The following PACRG variants were observed in gnomAD, a reference collection of about 807,000 sequenced individuals.
The protein encoded by PACRG is parkin coregulated gene protein.
PACRG carries 29 observed loss-of-function variants against 29.7 expected under a neutral mutation model. That is an observed-to-expected ratio of 0.98 (90% confidence interval 0.73 to 1.33). The LOEUF is 1.33. PACRG is among the 40% of genes most tolerant of loss of function. The pLI is 0.00. For synonymous variants in PACRG, 116 were observed against 118.7 expected (o/e 0.98, Z 0.15); for missense variants, 279 against 316.2 (o/e 0.88, Z 0.89).
intron 4 of PACRG, among the ~76,000 whole-genome samples, chr6:163,110,713 A>G (rs1284464753): frequency 1.3e-5 from 2 of 152,230 alleles, no homozygotes; most frequent in Non-Finnish European, 2.9e-5. Context: ...CTGGGCTGTC[A>G]CCGTGGCAGC....
chr6:163,194,536 C>T (rs1056322896), intron 4 of PACRG, among the ~76,000 whole-genome samples: 1 of 152,158 alleles, frequency 6.6e-6, no homozygotes, highest in Non-Finnish European at 1.5e-5. Context: ...CACCTGCCAT[C>T]AAGCACAGAA....
chr6:162,766,574 A>G (rs1782809410), intron 1 of PACRG, among the ~76,000 whole-genome samples: 1 of 152,206 alleles, frequency 6.6e-6, no homozygotes, highest in South Asian at 2.1e-4. Context: ...TATACCCAGA[A>G]GTGGGATTGC....
chr6:162,754,638 T>C (rs952187145), intron 1 of PACRG, among the ~76,000 whole-genome samples: 1 of 152,080 alleles, frequency 6.6e-6, no homozygotes, highest in Non-Finnish European at 1.5e-5. Flanking sequence ...CTCTTTTGAG[T>C]GATTTTTACA....
chr6:163,299,756 G>A (rs1585411299), intron 4 of PACRG, among the ~76,000 whole-genome samples: 1 of 152,178 alleles, frequency 6.6e-6, no homozygotes, highest in Non-Finnish European at 1.5e-5. Context: ...GCGCGTGCCT[G>A]TAGTCCCAGC....
chr6:163,237,127 T>C (rs946245127), intron 4 of PACRG, among the ~76,000 whole-genome samples: 3 of 152,198 alleles, frequency 2.0e-5, no homozygotes, highest in Non-Finnish European at 4.4e-5. Flanking sequence ...ATACAGGCTT[T>C]TGAGATACGT....
chr6:163,217,160 G>A (rs1248706053), intron 4 of PACRG, among the ~76,000 whole-genome samples: 1 of 152,224 alleles, frequency 6.6e-6, no homozygotes, highest in East Asian at 1.9e-4. Context: ...GGCTTAGCCT[G>A]ACTAAATGAG....
intron 1 of PACRG, among the ~76,000 whole-genome samples, chr6:162,809,202 G>A (rs944567591): frequency 6.6e-6 from 1 of 152,066 alleles, no homozygotes; most frequent in African/African-American, 2.4e-5. Context: ...CTGATGCACC[G>A]AGACAGCTAA....
At chr6:163,300,844 G>A (rs1055429305) in intron 4 of PACRG, among the ~76,000 whole-genome samples, 6 of 150,450 alleles carry the variant, frequency 4.0e-5, no homozygotes, top group African/African-American at 4.9e-5. Flanking sequence ...GCTTCCTCTC[G>A]TGAGTTTAGT....
chr6:162,821,532 G>A (rs1412366903), intron 2 of PACRG, among the ~76,000 whole-genome samples: 1 of 152,130 alleles, frequency 6.6e-6, no homozygotes, highest in Non-Finnish European at 1.5e-5. Context: ...TTGAAAAGTA[G>A]GTCTTGGTAG....
intron 4 of PACRG, among the ~76,000 whole-genome samples, chr6:163,239,460 G>A (rs1328762312): frequency 6.6e-6 from 1 of 152,000 alleles, no homozygotes; most frequent in East Asian, 1.9e-4. Flanking sequence ...ATTTACCTCT[G>A]CCCAGAATCA....
intron 4 of PACRG, among the ~76,000 whole-genome samples, chr6:163,152,515 T>C (rs1478975071): frequency 6.6e-6 from 1 of 152,240 alleles, no homozygotes; most frequent in Non-Finnish European, 1.5e-5. Context: ...ACCACCTGTT[T>C]CTATTTTGCC....
intron 1 of PACRG, among the ~76,000 whole-genome samples, chr6:162,736,488 G>A (rs1371474769): frequency 2.6e-5 from 4 of 152,070 alleles, no homozygotes. Context: ...AATATGATAA[G>A]AGCACAGAGC....
intron 4 of PACRG, among the ~76,000 whole-genome samples, chr6:163,253,634 G>T (rs972081700): frequency 1.3e-5 from 2 of 152,146 alleles, no homozygotes; most frequent in African/African-American, 4.8e-5. Context: ...ATCTACCCTA[G>T]AAAGAATGTT....
At chr6:162,848,996 G>A (rs1790640450) in intron 2 of PACRG, among the ~76,000 whole-genome samples, 1 of 152,166 alleles carries the variant, frequency 6.6e-6, no homozygotes, top group African/African-American at 2.4e-5. Flanking sequence ...CAACAGAGAT[G>A]TTGAAAACTG....
At chr6:162,919,271 G>C (rs190243585) in intron 2 of PACRG, among the ~76,000 whole-genome samples, 1 of 152,254 alleles carries the variant, frequency 6.6e-6, no homozygotes, top group East Asian at 1.9e-4. Flanking sequence ...TGGGTTTGTA[G>C]AGTTCATGCC....
At chr6:163,260,038 G>A (rs1290479924) in intron 4 of PACRG, among the ~76,000 whole-genome samples, 3 of 152,154 alleles carry the variant, frequency 2.0e-5, no homozygotes, top group Admixed American at 2.0e-4. Context: ...CAGGACACAC[G>A]AGGGCCATCC....
intron 2 of PACRG, among the ~76,000 whole-genome samples, chr6:162,841,902 G>T (rs201381774): frequency 6.6e-6 from 1 of 150,838 alleles, no homozygotes. Context: ...GTAGTTGAGC[G>T]GTTTTGAGTG....
chr6:162,922,428 G>A (rs1412287447), intron 2 of PACRG, among the ~76,000 whole-genome samples: 2 of 151,462 alleles, frequency 1.3e-5, no homozygotes, highest in African/African-American at 4.9e-5. Context: ...ATTGCCACGT[G>A]TAAGGAACAT....
At chr6:162,911,699 C>T (rs1395485032) in intron 2 of PACRG, among the ~76,000 whole-genome samples, 1 of 152,110 alleles carries the variant, frequency 6.6e-6, no homozygotes, top group African/African-American at 2.4e-5. Flanking sequence ...TTGCTCTCTA[C>T]CCAAATTCAG....
Sources: gnomAD v4.1 joint callset for allele counts (sites outside exome capture counted in the v4.1 genomes callset) on GRCh38, gnomAD v4.1.1 for gene constraint, MANE v1.5 for transcripts, NCBI Gene and HGNC (gene_info 2026-07-23, HGNC 2026-07-21) for gene names.